ITPR2: variants seen among roughly 807,000 people sequenced by gnomAD.
ITPR2 encodes inositol 1,4,5-trisphosphate receptor type 2.
In ITPR2, 207 loss-of-function variants were observed where a neutral mutation model predicts 317.1. That is an observed-to-expected ratio of 0.65 (90% CI 0.58 to 0.73). The LOEUF (loss-of-function observed/expected upper bound fraction) is 0.73, where lower values mean the gene tolerates loss of function less well. Among genes scored for constraint, ITPR2 ranks in the 30% least tolerant of loss-of-function variants. The pLI is 0.00. For missense variants in ITPR2, 2,613 were observed against 3,284.0 expected (o/e 0.80, Z 4.99); for synonymous variants, 1,156 against 1,149.1 (o/e 1.01, Z -0.12).
chr12:26,816,879 C>T (rs1950864370), intron 1 of ITPR2, among the ~76,000 whole-genome samples: 1 of 151,694 alleles, frequency 6.6e-6, no homozygotes, highest in Admixed American at 6.6e-5. Flanking sequence ...TAAAAAGGCT[C>T]GGTGGCGAAA....
chr12:26,360,940 G>A (rs977216932), intron 55 of ITPR2, among the ~76,000 whole-genome samples: 19 of 152,048 alleles, frequency 1.2e-4, no homozygotes, highest in African/African-American at 3.4e-4. Flanking sequence ...GCAGCCAGGC[G>A]CCATGGCTCA....
rs186619580 is a variant in ITPR2 at position 26,368,353 on chromosome 12, T to G, written c.7857+19081A>C. ...GTATATATAAAAGGTCTATCTTAGA[T>G]CTGTTGGATCCTTTAATCACAGGTT... On this transcript the variant is annotated intron_variant, in intron 55 of 56. Transcript: ENST00000381340. Among the ~76,000 whole-genome samples the G allele has an allele frequency of 1.2e-3, 181 of 152,360 alleles. 6 individuals are homozygous for G. Among genetic ancestry groups the G allele is most frequent in the Admixed American group, 0.012 (180 of 15,302 alleles).
chr12:26,485,666 GT>G (rs1186979164), intron 41 of ITPR2, among the ~76,000 whole-genome samples: 2 of 152,182 alleles, frequency 1.3e-5, no homozygotes, highest in Non-Finnish European at 2.9e-5. Context: ...TGTTAATTCT[GT>G]TTCAAATGAA....
At chr12:26,368,140 A>G (rs1346555754) in intron 55 of ITPR2, among the ~76,000 whole-genome samples, 1 of 152,162 alleles carries the variant, frequency 6.6e-6, no homozygotes, top group Non-Finnish European at 1.5e-5. Context: ...TTGGTATATG[A>G]TTTCCCTATC....
At position 26,534,638 on chromosome 12, in the gene ITPR2, C is replaced by T. The variant is rs567597154; in HGVS notation, c.5073+15609G>A. On this transcript the variant is annotated intron_variant, in intron 37 of 56. Transcript: ENST00000381340. ...ATGAAAACCAGAGAATGGAGCTTCTCTCTCAAGATTTTATGATGTAAATTT... is the reference window on the plus strand; with the variant it reads ...ATGAAAACCAGAGAATGGAGCTTCTTTCTCAAGATTTTATGATGTAAATTT... 3.1e-4 allele frequency among the ~76,000 whole-genome samples: 47 copies of T among 152,302 alleles called. No homozygotes were observed. In the South Asian group the frequency reaches 4.8e-3, roughly 15 times the overall value.
intron 2 of ITPR2, among the ~76,000 whole-genome samples, chr12:26,751,425 A>G (rs1949414557): frequency 6.6e-6 from 1 of 152,168 alleles, no homozygotes; most frequent in Non-Finnish European, 1.5e-5. Context: ...GACTAATCTC[A>G]AACTACTAGA....
In ITPR2 at chr12:26,657,838, G is replaced by T. The variant is rs375637241; in HGVS notation, c.2061C>A (p.Asp687Glu). The T allele has an allele frequency of 8.0e-5, 129 of 1,614,036 alleles. 2 individuals are homozygous for T. In the Middle Eastern group the frequency reaches 3.3e-3, roughly 41 times the overall value. ...NPMESSILSD[D>E]IDDEEVWLYW... ...AGAGCCAAACTTCTTCATCATCAAT[G>T]TCATCTGAAAGGATGGAGCTCTCCA... The change falls in exon 18 of 57, where the codon GAC becomes GAA. Residue 687 changes from aspartate to glutamate, a missense_variant. By Grantham distance (45) the Asp-to-Glu change is conservative. Coordinates refer to ENST00000381340, the MANE Select transcript of ITPR2 (RefSeq NM_002223.4).
intron 26 of ITPR2, among the ~76,000 whole-genome samples, chr12:26,606,659 T>C (rs1488948506): frequency 6.6e-6 from 1 of 151,982 alleles, no homozygotes; most frequent in Non-Finnish European, 1.5e-5. Flanking sequence ...TGGCTAGGTA[T>C]GATAACTCAT....
intron 2 of ITPR2, among the ~76,000 whole-genome samples, chr12:26,730,895 CAT>C (rs1949016362): frequency 6.6e-6 from 1 of 152,204 alleles, no homozygotes; most frequent in African/African-American, 2.4e-5. Flanking sequence ...AACCTTCACA[CAT>C]GAGTCCATGG....
chr12:26,356,945 A>G (rs902750254), intron 55 of ITPR2, among the ~76,000 whole-genome samples: 14 of 152,342 alleles, frequency 9.2e-5, no homozygotes, highest in African/African-American at 3.1e-4. Flanking sequence ...ACTGAAATAG[A>G]TATTGAAGCA....
chr12:26,655,292 A>T (rs767403401), intron 20 of ITPR2, among the ~76,000 whole-genome samples: 5 of 152,202 alleles, frequency 3.3e-5, no homozygotes, highest in Non-Finnish European at 7.3e-5. Flanking sequence ...TTTGTACTGG[A>T]CATCAAAGCA....
At chr12:26,362,725 A>G (rs1251756325) in intron 55 of ITPR2, among the ~76,000 whole-genome samples, 1 of 152,208 alleles carries the variant, frequency 6.6e-6, no homozygotes, top group Non-Finnish European at 1.5e-5. Flanking sequence ...TTGCAATAAT[A>G]ACATTAGAGC....
At chr12:26,536,020 T>A (rs1944080161) in intron 37 of ITPR2, among the ~76,000 whole-genome samples, 1 of 152,232 alleles carries the variant, frequency 6.6e-6, no homozygotes, top group South Asian at 2.1e-4. Flanking sequence ...TTCGTCCATA[T>A]GTTTTCTCAG....
At chr12:26,359,562 A>G (rs765599405) in intron 55 of ITPR2, among the ~76,000 whole-genome samples, 1 of 152,148 alleles carries the variant, frequency 6.6e-6, no homozygotes, top group Non-Finnish European at 1.5e-5. Flanking sequence ...GTTTCATAAA[A>G]TGATGTAGAG....
intron 34 of ITPR2, among the ~76,000 whole-genome samples, chr12:26,576,830 G>A (rs1455393219): frequency 3.9e-5 from 6 of 152,222 alleles, no homozygotes; most frequent in African/African-American, 1.2e-4. Context: ...CTCGAAGTTC[G>A]TGTGTTAGAA....
intron 55 of ITPR2, among the ~76,000 whole-genome samples, chr12:26,369,483 TGTACATC>T (rs746780585): frequency 6.6e-5 from 10 of 152,200 alleles, no homozygotes; most frequent in Non-Finnish European, 2.9e-5. Flanking sequence ...ATGGAATGAA[TGTACATC>T]GTGTATAAGA....
chr12:26,716,071 A>G (rs2137032112), intron 6 of ITPR2, 73 bp downstream of exon 6: 1 of 974,466 alleles, frequency 1.0e-6, no homozygotes, highest in Non-Finnish European at 1.6e-6. Flanking sequence ...AATGAAAGAA[A>G]CTATATTACT....
chr12:26,597,175 T>C, intron 30 of ITPR2, 41 bp from the exon 31 acceptor site: 1 of 1,608,200 alleles, frequency 6.2e-7, no homozygotes, highest in Non-Finnish European at 8.5e-7. Flanking sequence ...AGTCCGAACA[T>C]TCATCCTTGC....
chr12:26,350,271 C>T (rs1938438709), intron 55 of ITPR2, among the ~76,000 whole-genome samples: 1 of 152,196 alleles, frequency 6.6e-6, no homozygotes, highest in Admixed American at 6.5e-5. Flanking sequence ...AGGAAGAACA[C>T]TGGGCTCTGG....
Sources: gnomAD v4.1 joint callset for allele counts (sites outside exome capture counted in the v4.1 genomes callset) on GRCh38, gnomAD v4.1.1 for gene constraint, MANE v1.5 for transcripts, NCBI Gene and HGNC (gene_info 2026-07-23, HGNC 2026-07-21) for gene names.